Variants in SEMA3E observed in about 807,000 individuals in gnomAD.
SEMA3E encodes the protein semaphorin 3E, also known as semaphorin-3E.
A neutral mutation model predicts 93.6 loss-of-function variants in SEMA3E; 49 were observed. That is an observed-to-expected ratio of 0.52 (90% confidence interval 0.42 to 0.66). The LOEUF (loss-of-function observed/expected upper bound fraction) is 0.66. Among genes scored for constraint, SEMA3E ranks in the 30% least tolerant of loss-of-function variants. The pLI is 0.00. For synonymous variants in SEMA3E, 363 were observed against 330.7 expected (o/e 1.10, Z -1.06); for missense variants, 906 against 964.8 (o/e 0.94, Z 0.81).
At position 83,367,918 on chromosome 7, in the gene SEMA3E, G is replaced by T. The variant is rs1042512907; in HGVS notation, c.1996C>A (p.Arg666Ser). The T allele has an allele frequency of 6.2e-7, 1 of 1,610,332 alleles. No individual in the cohort carries two copies. Among genetic ancestry groups the T allele is most frequent in the Non-Finnish European group, 8.5e-7 (1 of 1,177,784 alleles). ...TVEHSFVHTV[R>S]KITLEVVEEE... ...TCCACTACCTCCAAGGTGATTTTAC[G>T]GACCGTATGGACAAAGCTATGCTCT... The change falls in exon 17 of 17, where the codon CGT (arginine) becomes AGT (serine). Residue 666 changes from arginine to serine, a missense_variant. Coordinates refer to ENST00000643230, the MANE Select transcript of SEMA3E (RefSeq NM_012431.3).
intron 16 of SEMA3E, among the ~76,000 whole-genome samples, 175 bp downstream of exon 16, chr7:83,385,119 T>G (rs374848945): frequency 5.0e-4 from 75 of 150,962 alleles, no homozygotes; most frequent in Non-Finnish European, 9.2e-4. Context: ...TATGTATATA[T>G]ATTTAAATTA....
intron 1 of SEMA3E, among the ~76,000 whole-genome samples, chr7:83,556,572 T>C (rs938680609): frequency 2.0e-5 from 3 of 152,178 alleles, no homozygotes; most frequent in African/African-American, 7.2e-5. Context: ...TTTAATATAG[T>C]ATAAACAGTG....
intron 1 of SEMA3E, among the ~76,000 whole-genome samples, chr7:83,538,811 T>G (rs1242540288): frequency 6.6e-6 from 1 of 152,172 alleles, no homozygotes; most frequent in East Asian, 1.9e-4. Context: ...AAATTTCATC[T>G]TCTTGAATAA....
At chr7:83,497,981 A>T (rs1283509366) in intron 1 of SEMA3E, among the ~76,000 whole-genome samples, 1 of 152,178 alleles carries the variant, frequency 6.6e-6, no homozygotes, top group African/African-American at 2.4e-5. Context: ...ATTTAATGTT[A>T]TATGGAAAAG....
At chr7:83,593,291 TGTGTGTGTGTGTGTG>T in intron 1 of SEMA3E, among the ~76,000 whole-genome samples, 1 of 28,342 alleles carries the variant, frequency 3.5e-5, no homozygotes, top group Middle Eastern at 0.033. Flanking sequence ...TCTCTGTGTG[TGTGTGTGTGTGTGTG>T]TGTGTGTGTG....
At chr7:83,463,220 T>C (rs1239343920) in intron 4 of SEMA3E, among the ~76,000 whole-genome samples, 1 of 151,692 alleles carries the variant, frequency 6.6e-6, no homozygotes, top group Non-Finnish European at 1.5e-5. Context: ...CGGTCAGAAT[T>C]CTTACACAAG....
At chr7:83,586,949 T>G (rs1792641503) in intron 1 of SEMA3E, among the ~76,000 whole-genome samples, 1 of 152,164 alleles carries the variant, frequency 6.6e-6, no homozygotes, top group Admixed American at 6.6e-5. Flanking sequence ...GGAGATTTCA[T>G]GCTTACTGGA....
intron 1 of SEMA3E, among the ~76,000 whole-genome samples, chr7:83,543,290 T>C (rs560597365): frequency 6.6e-6 from 1 of 152,166 alleles, no homozygotes; most frequent in African/African-American, 2.4e-5. Context: ...AGGCAGTTAA[T>C]TGCCATGAAT....
Position 83,366,028 on chromosome 7 carries a change from T to C in SEMA3E, c.*1558A>G, listed in dbSNP as rs1191833167. ...GTATATTTGCATTTCTTAGATCTTT[T>C]GAAGCATGGTGACTTATCTGAATAA... On this transcript the variant is annotated 3_prime_UTR_variant, in exon 17 of 17. Coordinates refer to ENST00000643230, the MANE Select transcript of SEMA3E (RefSeq NM_012431.3). 2.0e-5 allele frequency: 3 copies of C among 152,160 alleles called. No individual in the cohort carries two copies. The highest frequency in any genetic ancestry group is 7.2e-5 in the African/African-American group (3 of 41,456). 9.4% of individuals were successfully genotyped at this position (152,160 alleles called of 1,614,324 possible).
At chr7:83,442,999 G>A (rs1464921144) in intron 4 of SEMA3E, among the ~76,000 whole-genome samples, 1 of 151,726 alleles carries the variant, frequency 6.6e-6, no homozygotes, top group Non-Finnish European at 1.5e-5. Context: ...TGAGGGACTG[G>A]GGAAACCAGA....
At chr7:83,413,418 G>A (rs531994138) in intron 5 of SEMA3E, among the ~76,000 whole-genome samples, 28 of 152,192 alleles carry the variant, frequency 1.8e-4, no homozygotes, top group Non-Finnish European at 3.7e-4. Context: ...TATGGCTAAA[G>A]ACTGATTTAG....
rs368609270 is a variant in SEMA3E, at chr7:83,402,305, G to A, written c.1143+327C>T. On this transcript the variant is annotated intron_variant, in intron 10 of 16. Coordinates refer to ENST00000643230, the MANE Select transcript of SEMA3E (RefSeq NM_012431.3). ...CCTCTGAAGAGGCTGAGAGGAATAC[G>A]ATGTTCATGTTACTGAATGTTTCTG... Among the ~76,000 whole-genome samples, 91 of 152,056 alleles carry A rather than the reference G, an allele frequency of 6.0e-4. No homozygotes were observed. The South Asian group carries it at 0.018, about 30-fold the overall frequency.
At position 83,367,478 on chromosome 7, in the gene SEMA3E, T is replaced by C. The variant is rs1584194573; in HGVS notation, c.*108A>G. ...TAACACCTTCATAGTCATTCCTGTA[T>C]TACAGAAATCTCTTTTAAGTAATGC... is the stretch of plus-strand genomic sequence containing the variant. On this transcript the variant is annotated 3_prime_UTR_variant, in exon 17 of 17. Transcript: ENST00000643230. The C allele has an allele frequency of 1.8e-6, 2 of 1,087,440 alleles. No homozygotes were observed. Among genetic ancestry groups the C allele is most frequent in the African/African-American group, 3.1e-5 (2 of 64,144 alleles). The allele number at this position is 1,087,440 out of a possible 1,614,324, so 67.4% of individuals were successfully genotyped here. A position where few individuals can be genotyped will look rare whatever the true frequency, so the allele number is the denominator to read the frequency against.
chr7:83,452,619 C>A (rs1045947361), intron 4 of SEMA3E, among the ~76,000 whole-genome samples: 6 of 152,146 alleles, frequency 3.9e-5, no homozygotes, highest in Admixed American at 2.0e-4. Context: ...AGAAGTCTAC[C>A]TTTCTAATAG....
intron 4 of SEMA3E, among the ~76,000 whole-genome samples, chr7:83,460,076 A>T (rs1366861749): frequency 2.6e-5 from 4 of 152,150 alleles, no homozygotes; most frequent in Non-Finnish European, 5.9e-5. Context: ...CATGTTGCTC[A>T]CACAAAGCCT....
At chr7:83,535,796 T>C (rs1295710442) in intron 1 of SEMA3E, among the ~76,000 whole-genome samples, 1 of 152,226 alleles carries the variant, frequency 6.6e-6, no homozygotes, top group South Asian at 2.1e-4. Flanking sequence ...AATAAAGATC[T>C]TGTAAATAGT....
intron 1 of SEMA3E, among the ~76,000 whole-genome samples, chr7:83,512,366 C>A (rs960854379): frequency 6.6e-6 from 1 of 152,138 alleles, no homozygotes; most frequent in Non-Finnish European, 1.5e-5. Flanking sequence ...AAATTACTTA[C>A]GGCTGAAACT....
At chr7:83,636,622 T>C (rs978670981) in intron 1 of SEMA3E, among the ~76,000 whole-genome samples, 7 of 152,090 alleles carry the variant, frequency 4.6e-5, no homozygotes, top group African/African-American at 1.7e-4. Context: ...ATACAAAAAA[T>C]CTGAAAATTC....
chr7:83,374,984 A>C (rs891268363), intron 16 of SEMA3E, among the ~76,000 whole-genome samples: 1 of 151,954 alleles, frequency 6.6e-6, no homozygotes, highest in African/African-American at 2.4e-5. Context: ...AAAAACAAAA[A>C]CTCCTGTTGT....
Sources: allele counts gnomAD v4.1 joint callset (sites outside exome capture counted in the v4.1 genomes callset), GRCh38; gene constraint gnomAD v4.1.1; transcripts MANE v1.5; gene names NCBI Gene and HGNC (gene_info 2026-07-23, HGNC 2026-07-21).